Variants in PCYOX1L observed in about 807,000 individuals in gnomAD.
PCYOX1L encodes the protein prenylcysteine oxidase 1-like.
A neutral mutation model predicts 44.1 loss-of-function variants in PCYOX1L; 40 were observed. That is an observed-to-expected ratio of 0.91 (90% CI 0.70 to 1.18). The LOEUF is 1.18. Ranked by LOEUF, PCYOX1L falls within the 50% of genes most tolerant of loss-of-function variation. The probability of loss-of-function intolerance (pLI) is 0.00; values close to 1 mark genes in which losing one functional copy is unlikely to be tolerated. For synonymous variants in PCYOX1L, 266 were observed against 282.8 expected, an observed-to-expected ratio of 0.94 and a Z score of 0.60; for missense variants, 605 against 653.3, an observed-to-expected ratio of 0.93 and a Z score of 0.81.
chr5:149,365,795 A>G (rs991920789), intron 3 of PCYOX1L, 147 bp from the exon 4 acceptor site: 3 of 686,632 alleles, frequency 4.4e-6, no homozygotes, highest in Admixed American at 5.2e-5. Flanking sequence ...AACAGGTGCC[A>G]GGGAACATGA....
chr5:149,367,259 T>G, intron 4 of PCYOX1L, 101 bp from the exon 5 acceptor site: 1 of 1,426,404 alleles, frequency 7.0e-7, no homozygotes, highest in Non-Finnish European at 9.3e-7. Context: ...TGGGAGAGTT[T>G]TGCTCTGGCA....
chr5:149,361,932 A>G (rs1050271695), intron 1 of PCYOX1L: 1 of 142,410 alleles, frequency 7.0e-6, no homozygotes, highest in Non-Finnish European at 1.5e-5. Context: ...CCTGGCAGAT[A>G]CATTCCAGTC....
Position 149,365,957 on chromosome 5 carries a change from G to C in PCYOX1L, c.486G>C (p.Gln162His). The change falls in exon 4 of 6, where the codon CAG becomes CAC. Residue 162 changes from glutamine (Q) to histidine (H), a missense_variant. By Grantham distance (24) the Gln-to-His change is conservative. Coordinates refer to ENST00000274569, the MANE Select transcript of PCYOX1L (RefSeq NM_024028.4). ...MEKFMRIYKY[Q>H]AHGYAFSGVE... The stretch of plus-strand genomic sequence containing the variant: ...TGTCTTCTAGGATCTATAAGTACCA[G>C]GCCCACGGCTATGCCTTCTCGGGTG... The C allele has an allele frequency of 6.2e-7, 1 of 1,614,208 alleles. No individual in the cohort carries two copies. Among genetic ancestry groups the C allele is most frequent in the Non-Finnish European group, 8.5e-7 (1 of 1,180,034 alleles).
chr5:149,362,896 G>A (rs1263000192), intron 2 of PCYOX1L, 53 bp downstream of exon 2: 1 of 1,583,032 alleles, frequency 6.3e-7, no homozygotes, highest in Non-Finnish European at 8.6e-7. Flanking sequence ...GCTGGTGACA[G>A]CACTGGGCCC....
chr5:149,367,550 A>T, intron 5 of PCYOX1L, 50 bp downstream of exon 5: 1 of 1,601,414 alleles, frequency 6.2e-7, no homozygotes, highest in Non-Finnish European at 8.5e-7. Flanking sequence ...CAGCCAGTGG[A>T]CAGACACTTC....
intron 3 of PCYOX1L, chr5:149,365,391 C>T (rs1470897032): frequency 6.5e-5 from 10 of 153,106 alleles, no homozygotes; most frequent in South Asian, 2.0e-4. Flanking sequence ...GGAAATCCAT[C>T]GATGGTTCCA....
In PCYOX1L at chr5:149,364,040, G is replaced by A. The variant is rs1221603906; in HGVS notation, c.300G>A (p.Leu100=). 6.2e-7 allele frequency: 1 copy of A among 1,613,896 alleles called. No homozygotes were observed. The highest frequency in any genetic ancestry group is 8.5e-7 in the Non-Finnish European group (1 of 1,179,900). ...HMQDFVKLLG[L]RHRREVVGRS... ...GGCTCCTCTTTGTCTCTGCAGGGCT[G>A]AGGCACCGGCGCGAGGTGGTGGGCA... Residue 100 remains leucine (L), a synonymous_variant, in exon 3 of 6, where the codon CTG becomes CTA. Coordinates refer to ENST00000274569, the MANE Select transcript of PCYOX1L (RefSeq NM_024028.4).
chr5:149,368,586 C>T lies in PCYOX1L; in HGVS notation c.1417C>T (p.Arg473Cys), dbSNP rs779820348. The T allele has an allele frequency of 8.3e-6, 13 of 1,573,784 alleles. No homozygotes were observed. Among genetic ancestry groups the T allele is most frequent in the Middle Eastern group, 1.7e-4 (1 of 5,850 alleles). The change falls in exon 6 of 6, where the codon CGC becomes TGC. Residue 473 changes from arginine to cysteine, a missense_variant. Coordinates refer to ENST00000274569, the MANE Select transcript of PCYOX1L (RefSeq NM_024028.4). ...AKNVALLAYN[R>C]WYQDLDKIDQ... ...GAATGTGGCCTTGCTGGCTTACAACCGCTGGTACCAGGACCTAGACAAGAT... is the reference window on the plus strand; with the variant it reads ...GAATGTGGCCTTGCTGGCTTACAACTGCTGGTACCAGGACCTAGACAAGAT...
rs767332273 is a variant in PCYOX1L at position 149,365,964 on chromosome 5, G to A, written c.493G>A (p.Gly165Ser). ...FMRIYKYQAH[G>S]YAFSGVEELL... ...TAGGATCTATAAGTACCAGGCCCAC[G>A]GCTATGCCTTCTCGGGTGTGGAGGA... Residue 165 changes from glycine (G) to serine (S), a missense_variant, in exon 4 of 6, where the codon GGC becomes AGC. Physicochemically the swap from Gly to Ser is moderately conservative, Grantham distance 56. Transcript: ENST00000274569. 5.6e-6 allele frequency: 9 copies of A among 1,614,234 alleles called. No individual in the cohort carries two copies. The highest frequency in any genetic ancestry group is 3.3e-5 in the South Asian group (3 of 91,088).
chr5:149,364,075 T>G lies in PCYOX1L; in HGVS notation c.335T>G (p.Ile112Ser), dbSNP rs781021295. 4.3e-6 allele frequency: 7 copies of G among 1,614,108 alleles called. No individual in the cohort carries two copies. The highest frequency in any genetic ancestry group is 5.9e-6 in the Non-Finnish European group (7 of 1,179,990). Residue 112 changes from isoleucine to serine, a missense_variant, in exon 3 of 6, where the codon ATC becomes AGC. By Grantham distance (142) the Ile-to-Ser change is moderately radical. Coordinates refer to ENST00000274569, the MANE Select transcript of PCYOX1L (RefSeq NM_024028.4). Reference sequence around the variant, plus strand: ...CGCGAGGTGGTGGGCAGGAGCGCCATCTTCGGCGGGGAGCACTTCATGCTG... The same window carrying G: ...CGCGAGGTGGTGGGCAGGAGCGCCAGCTTCGGCGGGGAGCACTTCATGCTG... The part of the protein sequence containing the change: ...HRREVVGRSA[I>S]FGGEHFMLEE...
chr5:149,368,323 G>A lies in PCYOX1L; in HGVS notation c.1154G>A (p.Arg385Gln), dbSNP rs746328504. 19 of 1,614,018 alleles carry A rather than the reference G, an allele frequency of 1.2e-5. No homozygotes were observed. In the Middle Eastern group the frequency reaches 4.9e-4, roughly 42 times the overall value. Residue 385 changes from arginine (R) to glutamine (Q), a missense_variant, in exon 6 of 6, where the codon CGA (arginine) becomes CAA (glutamine). Transcript: ENST00000274569. ...CPVNISASFR[R>Q]KQPQEAAVWR... ...GTCAACATCTCTGCCAGCTTCCGGC[G>A]AAAGCAGCCCCAGGAGGCAGCTGTT...
chr5:149,367,923 T>C (rs1469008812), intron 5 of PCYOX1L, 70 bp from the exon 6 acceptor site: 8 of 1,477,904 alleles, frequency 5.4e-6, no homozygotes, highest in Non-Finnish European at 7.3e-6. Context: ...ACCTCAATGC[T>C]GGACCCCAGT....
At chr5:149,359,071 T>TC (rs984959647) in intron 1 of PCYOX1L, among the ~76,000 whole-genome samples, 6 of 152,156 alleles carry the variant, frequency 3.9e-5, no homozygotes, top group Non-Finnish European at 8.8e-5. Context: ...CTTTTTTTTT[T>TC]CCTCCCTCAA....
Position 149,368,390 on chromosome 5 carries a change from A to G in PCYOX1L, c.1221A>G (p.Leu407=), listed in dbSNP as rs369353022. ...CCAAGCCCCTCTTTCGGACCCAGCT[A>G]AAGACCCTGTTCCGTTCCTATTACT... is the stretch of plus-strand genomic sequence containing the variant. The part of the protein sequence containing the change: ...QSPKPLFRTQ[L]KTLFRSYYSV... The change falls in exon 6 of 6, where the codon CTA becomes CTG. Residue 407 remains leucine (L), a synonymous_variant. Transcript: ENST00000274569. 9.9e-6 allele frequency: 16 copies of G among 1,614,036 alleles called. No individual in the cohort carries two copies. The highest frequency in any genetic ancestry group is 1.3e-5 in the African/African-American group (1 of 74,910).
intron 4 of PCYOX1L, among the ~76,000 whole-genome samples, chr5:149,366,868 T>G (rs1351144298): frequency 6.6e-6 from 1 of 152,192 alleles, no homozygotes; most frequent in Admixed American, 6.5e-5. Flanking sequence ...CTTCATAGCA[T>G]TTTTGTGTAG....
chr5:149,358,696 G>A (rs900717851), intron 1 of PCYOX1L, among the ~76,000 whole-genome samples: 1 of 152,242 alleles, frequency 6.6e-6, no homozygotes, highest in Non-Finnish European at 1.5e-5. Flanking sequence ...CCCCCAGGTC[G>A]ATAGGAGACA....
At chr5:149,367,265 T>G in intron 4 of PCYOX1L, 95 bp from the exon 5 acceptor site, 1 of 1,454,578 alleles carries the variant, frequency 6.9e-7, no homozygotes, top group Non-Finnish European at 9.1e-7. Flanking sequence ...AGTTTTGCTC[T>G]GGCAGGGAGG....
At chr5:149,363,015 C>A in intron 2 of PCYOX1L, 172 bp downstream of exon 2, 1 of 800,286 alleles carries the variant, frequency 1.2e-6, no homozygotes, top group Non-Finnish European at 2.1e-6. Flanking sequence ...TGAGGTTACA[C>A]AGTGAGTTAG....
At chr5:149,360,637 C>A (rs962492205) in intron 1 of PCYOX1L, among the ~76,000 whole-genome samples, 3 of 152,184 alleles carry the variant, frequency 2.0e-5, no homozygotes, top group African/African-American at 4.8e-5. Context: ...ACCTGACTCA[C>A]CTCAGGTGGG....
Sources: allele counts gnomAD v4.1 joint callset (sites outside exome capture counted in the v4.1 genomes callset), GRCh38; gene constraint gnomAD v4.1.1; transcripts MANE v1.5; gene names NCBI Gene and HGNC (gene_info 2026-07-23, HGNC 2026-07-21).